Variants in COL13A1 observed in about 807,000 individuals in gnomAD.
The protein encoded by COL13A1 is collagen alpha-1(XIII) chain.
A neutral mutation model predicts 130.9 loss-of-function variants in COL13A1; 89 were observed. The ratio of observed to expected loss-of-function variants is 0.68; its 90% CI spans 0.57 to 0.81. COL13A1 has a LOEUF of 0.81. Ranked by LOEUF, COL13A1 falls within the 30% of genes least tolerant of loss-of-function variation. The pLI is 0.00. For synonymous variants in COL13A1, 402 were observed against 341.6 expected (o/e 1.18, Z -1.95); for missense variants, 879 against 934.6 (o/e 0.94, Z 0.78).
intron 1 of COL13A1, among the ~76,000 whole-genome samples, chr10:69,820,355 C>G (rs1025340795): frequency 1.3e-5 from 2 of 152,224 alleles, no homozygotes; most frequent in African/African-American, 4.8e-5. Flanking sequence ...TGGGTGACAA[C>G]TCCGATGGTT....
At chr10:69,912,771 C>T (rs376871253) in intron 17 of COL13A1, among the ~76,000 whole-genome samples, 2 of 152,350 alleles carry the variant, frequency 1.3e-5, no homozygotes, top group South Asian at 4.2e-4. Context: ...AGCCCCCTTC[C>T]TTCCTCTAGA....
chr10:69,932,487 C>G, intron 30 of COL13A1, 73 bp from the exon 31 acceptor site: 1 of 1,079,400 alleles, frequency 9.3e-7, no homozygotes, highest in Non-Finnish European at 1.4e-6. Context: ...TAGTTTGTCA[C>G]AGATGTGAGG....
At chr10:69,840,984 C>T (rs1851446083) in intron 2 of COL13A1, among the ~76,000 whole-genome samples, 1 of 152,074 alleles carries the variant, frequency 6.6e-6, no homozygotes, top group Admixed American at 6.6e-5. Flanking sequence ...CTCTGTCACC[C>T]CTCCGCCTGA....
intron 2 of COL13A1, among the ~76,000 whole-genome samples, chr10:69,842,304 G>A (rs1009944498): frequency 1.3e-5 from 2 of 152,086 alleles, no homozygotes; most frequent in Admixed American, 6.5e-5. Flanking sequence ...AGGGTTGTGG[G>A]GCCTCCCCAA....
At chr10:69,949,503 A>G (rs1165782477) in intron 38 of COL13A1, among the ~76,000 whole-genome samples, 1 of 152,178 alleles carries the variant, frequency 6.6e-6, no homozygotes, top group East Asian at 1.9e-4. Context: ...TTTATCTTAC[A>G]GTGAACCAAG....
intron 5 of COL13A1, among the ~76,000 whole-genome samples, chr10:69,876,532 G>T (rs759991210): frequency 6.6e-6 from 1 of 152,196 alleles, no homozygotes; most frequent in South Asian, 2.1e-4. Flanking sequence ...CCCACGAGAA[G>T]CTCTCCCACC....
intron 26 of COL13A1, 23 bp from the exon 27 acceptor site, chr10:69,927,064 A>G (rs762947699): frequency 6.2e-7 from 1 of 1,613,408 alleles, no homozygotes; most frequent in Admixed American, 1.7e-5. Context: ...TCTTCAACTG[A>G]TTGCCTGGTG....
At chr10:69,865,502 T>C (rs1364977748) in intron 2 of COL13A1, among the ~76,000 whole-genome samples, 1 of 152,206 alleles carries the variant, frequency 6.6e-6, no homozygotes, top group Non-Finnish European at 1.5e-5. Flanking sequence ...CCAGTGGGTC[T>C]CATGAAGACC....
intron 2 of COL13A1, among the ~76,000 whole-genome samples, chr10:69,855,072 C>T (rs758193460): frequency 6.6e-6 from 1 of 152,232 alleles, no homozygotes; most frequent in South Asian, 2.1e-4. Context: ...ATCCGTGTAA[C>T]CTATGGAGCC....
Position 69,907,609 on chromosome 10 carries a change from T to C in COL13A1, c.921+1787T>C, listed in dbSNP as rs1050663179. On this transcript the variant is annotated intron_variant, in intron 17 of 40. Coordinates refer to ENST00000645393, the MANE Select transcript of COL13A1 (RefSeq NM_001368882.1). The stretch of plus-strand genomic sequence containing the variant: ...CCACTCCCACAATAACTAACCCACT[T>C]CCATGATAACTAACCCACTCCCACA... 1.5e-3 allele frequency among the ~76,000 whole-genome samples: 217 copies of C among 146,634 alleles called. 3 individuals are homozygous for C. Among genetic ancestry groups the C allele is most frequent in the African/African-American group, 5.0e-3 (195 of 38,954 alleles).
At chr10:69,930,274 G>A in intron 29 of COL13A1, 126 bp from the exon 30 acceptor site, 4 of 1,086,124 alleles carry the variant, frequency 3.7e-6, no homozygotes, top group African/African-American at 1.6e-5. Context: ...GACCCAGGCT[G>A]GGCTGTCTCT....
At chr10:69,849,691 T>C (rs1032802306) in intron 2 of COL13A1, among the ~76,000 whole-genome samples, 5 of 152,184 alleles carry the variant, frequency 3.3e-5, no homozygotes, top group Non-Finnish European at 7.3e-5. Context: ...CTTCCCAGCC[T>C]GCCTCGACCT....
chr10:69,910,667 T>C (rs2063275448), intron 17 of COL13A1, among the ~76,000 whole-genome samples: 3 of 152,228 alleles, frequency 2.0e-5, no homozygotes, highest in Admixed American at 6.5e-5. Flanking sequence ...CGAGTATTGT[T>C]GTGCACCCAT....
intron 2 of COL13A1, chr10:69,824,113 G>A (rs1456701550): frequency 2.1e-6 from 1 of 472,192 alleles, no homozygotes; most frequent in Non-Finnish European, 4.4e-6. Context: ...CCTTCAGAGA[G>A]TTATTTAACC....
intron 5 of COL13A1, chr10:69,877,699 TCACACACACACACA>T (rs10532425): frequency 0.024 from 2,053 of 86,766 alleles, 61 homozygotes; most frequent in South Asian, 0.04. Context: ...TCTCTCTCTC[TCACACACACACACA>T]CACACACACA....
At position 69,857,844 on chromosome 10, in the gene COL13A1, G is replaced by A. The variant is rs372770533; in HGVS notation, c.365-9954G>A. On this transcript the variant is annotated intron_variant, in intron 2 of 40. Coordinates refer to ENST00000645393, the MANE Select transcript of COL13A1 (RefSeq NM_001368882.1). ...AAGACTGGCGCCTGGTTGGCTGGGC[G>A]CGGTGGCTCGTGCCTGTAATCCCAG... is the stretch of plus-strand genomic sequence containing the variant. Among the ~76,000 whole-genome samples the A allele has an allele frequency of 1.8e-4, 27 of 152,324 alleles. 1 individual carries two copies. In the East Asian group the frequency reaches 2.9e-3, roughly 16 times the overall value.
chr10:69,862,104 G>T (rs773399336), intron 2 of COL13A1, among the ~76,000 whole-genome samples: 1 of 152,200 alleles, frequency 6.6e-6, no homozygotes. Context: ...CCCACAGTTG[G>T]CTCTTGCAAG....
At chr10:69,939,067 T>C (rs1016326027) in intron 34 of COL13A1, among the ~76,000 whole-genome samples, 4 of 152,160 alleles carry the variant, frequency 2.6e-5, no homozygotes, top group African/African-American at 9.7e-5. Context: ...ACCTACTCTA[T>C]CATTAATTTT....
At chr10:69,922,005 C>T (rs923013465) in intron 22 of COL13A1, 70 bp downstream of exon 22, 2 of 1,512,408 alleles carry the variant, frequency 1.3e-6, no homozygotes, top group African/African-American at 2.8e-5. Flanking sequence ...CCTGCACATC[C>T]ACACAGGCCC....
Sources: gnomAD v4.1 joint callset for allele counts (sites outside exome capture counted in the v4.1 genomes callset) on GRCh38, gnomAD v4.1.1 for gene constraint, MANE v1.5 for transcripts, NCBI Gene and HGNC (gene_info 2026-07-23, HGNC 2026-07-21) for gene names.